The following NFIC variants were observed in gnomAD, a reference collection of about 807,000 sequenced individuals.
The protein encoded by NFIC is nuclear factor 1 C-type.
In NFIC, 12 loss-of-function variants were observed where a neutral mutation model predicts 54.4. That is an observed-to-expected ratio of 0.22 (90% CI 0.14 to 0.36). The LOEUF (loss-of-function observed/expected upper bound fraction) is 0.36, where lower values mean the gene tolerates loss of function less well. NFIC is among the 10% of genes least tolerant of loss of function. NFIC has a pLI of 1.00. For missense variants in NFIC, 575 were observed against 718.2 expected (o/e 0.80, Z 2.28); for synonymous variants, 322 against 319.2 (o/e 1.01, Z -0.09).
Position 3,453,937 on chromosome 19 carries a change from G to T in NFIC, c.1423+21G>T. ...GCCTTGTAAGCACGCGGGAAGCGGT[G>T]CCCTGGTGGGGCGGATGTCCGCAGG... On this transcript the variant is annotated intron_variant, in intron 9 of 10. Transcript: ENST00000443272. The surrounding 1 kb of genome is among the most constrained non-coding windows in gnomAD (Gnocchi z 6.7). 6.6e-7 allele frequency: 1 copy of T among 1,508,554 alleles called. No homozygotes were observed. The highest frequency in any genetic ancestry group is 1.3e-5 in the South Asian group (1 of 79,680). 93.4% of individuals were successfully genotyped at this position (1,508,554 alleles called of 1,614,324 possible). A position where few individuals can be genotyped will look rare whatever the true frequency, so the allele number is the denominator to read the frequency against.
intron 1 of NFIC, among the ~76,000 whole-genome samples, chr19:3,377,476 C>A (rs1007867564): frequency 5.3e-5 from 8 of 151,964 alleles, no homozygotes; most frequent in Non-Finnish European, 1.5e-5. Flanking sequence ...CACCCCTGTC[C>A]GAAATGCCCA....
chr19:3,363,576 G>A (rs902828054), upstream of NFIC, among the ~76,000 whole-genome samples: 3 of 148,942 alleles, frequency 2.0e-5, no homozygotes, highest in Admixed American at 2.0e-4. Context: ...CCGGCCAAAG[G>A]AGATATGTGT....
rs1306887643 is a variant in NFIC, at chr19:3,459,571, C to G, written c.1509+2936C>G. 2.0e-5 allele frequency among the ~76,000 whole-genome samples: 3 copies of G among 152,196 alleles called. No individual in the cohort carries two copies. Among genetic ancestry groups the G allele is most frequent in the Non-Finnish European group, 4.4e-5 (3 of 68,044 alleles). ...CCCCCTTCACACCTACTGCCTCAGTCTCCCCTCAGCTGAGTGGGAGGATGT... is the reference window on the plus strand; with the variant it reads ...CCCCCTTCACACCTACTGCCTCAGTGTCCCCTCAGCTGAGTGGGAGGATGT... On this transcript the variant is annotated intron_variant, in intron 10 of 10. Transcript: ENST00000443272. This position sits in a 1 kb window ranked among gnomAD's most constrained non-coding sequence, Gnocchi z 4.2.
At position 3,462,781 on chromosome 19, in the gene NFIC, T is replaced by C; in HGVS notation, c.*12T>C. On this transcript the variant is annotated 3_prime_UTR_variant, in exon 11 of 11. Coordinates refer to ENST00000443272, the MANE Select transcript of NFIC (RefSeq NM_001245002.2). Reference sequence around the variant, plus strand: ...GGTATCTGGGATAGCAAAGGTCTTCTTCCCTCGCCCCTTCTCCATCGTCCC... The same window carrying C: ...GGTATCTGGGATAGCAAAGGTCTTCCTCCCTCGCCCCTTCTCCATCGTCCC... The C allele has an allele frequency of 1.9e-6, 3 of 1,613,692 alleles. No individual in the cohort carries two copies. In the South Asian group the frequency reaches 3.3e-5, roughly 18 times the overall value.
chr19:3,426,100 A>G (rs2082023988), intron 3 of NFIC, among the ~76,000 whole-genome samples: 1 of 150,362 alleles, frequency 6.7e-6, no homozygotes, highest in Admixed American at 6.6e-5. Flanking sequence ...ACGGCTGGCT[A>G]ATTTTTGTAT....
intron 2 of NFIC, among the ~76,000 whole-genome samples, chr19:3,383,535 A>G (rs2081246020): frequency 6.6e-6 from 1 of 152,284 alleles, no homozygotes; most frequent in Non-Finnish European, 1.5e-5. Flanking sequence ...GGTGGAGATG[A>G]TCAGTCTGTA....
At chr19:3,431,470 G>GCTATCCTCCCGCCTCGGC (rs1006109537) in intron 3 of NFIC, among the ~76,000 whole-genome samples, 10 of 145,874 alleles carry the variant, frequency 6.9e-5, no homozygotes, top group Admixed American at 2.1e-4. Flanking sequence ...CAGGGCTCGA[G>GCTATCCTCCCGCCTCGGC]CTATCCTCCC....
At chr19:3,361,980 G>C (rs932381065), upstream of NFIC, among the ~76,000 whole-genome samples, 3 of 152,154 alleles carry the variant, frequency 2.0e-5, no homozygotes, top group African/African-American at 7.2e-5. Flanking sequence ...GGCGTGCACA[G>C]ACACACATGG....
At chr19:3,421,238 G>A (rs879859142) in intron 2 of NFIC, among the ~76,000 whole-genome samples, 56 of 152,192 alleles carry the variant, frequency 3.7e-4, no homozygotes, top group Admixed American at 1.0e-3. Flanking sequence ...GGAAACACCC[G>A]GATGCCAGCT....
chr19:3,409,936 G>A (rs114034565), intron 2 of NFIC, among the ~76,000 whole-genome samples: 2,428 of 152,296 alleles, frequency 0.016, 65 homozygotes, highest in African/African-American at 0.056. Context: ...GGCCGGCTGC[G>A]GTGGCTCGCA....
chr19:3,454,731 T>C (rs971375953), intron 9 of NFIC, among the ~76,000 whole-genome samples: 3 of 144,778 alleles, frequency 2.1e-5, no homozygotes, highest in African/African-American at 5.0e-5. Context: ...ACCCCCCTTT[T>C]TGAGCATCTC....
chr19:3,391,451 G>A (rs2081375190), intron 2 of NFIC, among the ~76,000 whole-genome samples: 1 of 152,184 alleles, frequency 6.6e-6, no homozygotes. Flanking sequence ...AAGAATTCGA[G>A]ACCAGCCCAG....
rs779544519 is a variant in NFIC, at chr19:3,453,905, C to G, written c.1412C>G (p.Pro471Arg). ...ATTSEGGATS[P>R]TSPSYSPPDT... ...ACCTCCGAGGGAGGAGCCACGTCGCCGACCTCGCCTTGTAAGCACGCGGGA... is the reference window on the plus strand; with the variant it reads ...ACCTCCGAGGGAGGAGCCACGTCGCGGACCTCGCCTTGTAAGCACGCGGGA... Residue 471 changes from proline (P) to arginine (R), a missense_variant, in exon 9 of 11, where the codon CCG (proline) becomes CGG (arginine). This residue lies in a region of NFIC where 447 missense variants were observed against 526.9 expected (regional missense o/e 0.85). Transcript: ENST00000443272. The surrounding 1 kb of genome is among the most constrained non-coding windows in gnomAD (Gnocchi z 6.7). 1 of 1,542,498 alleles carries G rather than the reference C, an allele frequency of 6.5e-7. No individual in the cohort carries two copies. Among genetic ancestry groups the G allele is most frequent in the African/African-American group, 1.4e-5 (1 of 72,000 alleles).
rs1463604261 is a variant in NFIC at position 3,459,273 on chromosome 19, G to A, written c.1509+2638G>A. 9.1e-6 allele frequency among the ~76,000 whole-genome samples: 1 copy of A among 110,348 alleles called. No individual in the cohort carries two copies. The highest frequency in any genetic ancestry group is 3.7e-5 in the African/African-American group (1 of 26,762). 72.4% of individuals were successfully genotyped at this position (110,348 alleles called of 152,430 possible). ...TCTCCCCCCATCAATATCCCTCCCC[G>A]TGATCTATGCTAATTGATCTCGCCC... On this transcript the variant is annotated intron_variant, in intron 10 of 10. Coordinates refer to ENST00000443272, the MANE Select transcript of NFIC (RefSeq NM_001245002.2). This position sits in a 1 kb window ranked among gnomAD's most constrained non-coding sequence, Gnocchi z 4.2.
Position 3,453,902 on chromosome 19 carries a change from C to T in NFIC, c.1409C>T (p.Ser470Leu), listed in dbSNP as rs2082509758. Residue 470 changes from serine (S) to leucine (L), a missense_variant, in exon 9 of 11, where the codon TCG becomes TTG. Coordinates refer to ENST00000443272, the MANE Select transcript of NFIC (RefSeq NM_001245002.2). The surrounding 1 kb of genome is among the most constrained non-coding windows in gnomAD (Gnocchi z 6.7). ...PATTSEGGAT[S>L]PTSPSYSPPD... ...ACCACCTCCGAGGGAGGAGCCACGT[C>T]GCCGACCTCGCCTTGTAAGCACGCG... The T allele has an allele frequency of 4.5e-6, 7 of 1,542,586 alleles. No homozygotes were observed. Among genetic ancestry groups the T allele is most frequent in the African/African-American group, 2.8e-5 (2 of 72,108 alleles).
intron 2 of NFIC, among the ~76,000 whole-genome samples, chr19:3,411,956 G>A (rs1405542337): frequency 6.6e-6 from 1 of 152,258 alleles, no homozygotes; most frequent in Non-Finnish European, 1.5e-5. Flanking sequence ...ACTGGACTGA[G>A]CTCAGCTGCA....
At chr19:3,438,820 A>G (rs931377107) in intron 6 of NFIC, among the ~76,000 whole-genome samples, 3 of 152,014 alleles carry the variant, frequency 2.0e-5, no homozygotes, top group African/African-American at 7.2e-5. Context: ...AGATGATCCA[A>G]CCCACTCTTG....
At chr19:3,403,435 C>T (rs147457660) in intron 2 of NFIC, among the ~76,000 whole-genome samples, 45 of 152,346 alleles carry the variant, frequency 3.0e-4, no homozygotes, top group African/African-American at 1.0e-3. Context: ...GTGTTTACAA[C>T]TTGACATCTA....
intron 2 of NFIC, among the ~76,000 whole-genome samples, chr19:3,421,720 G>C (rs966564185): frequency 5.9e-5 from 9 of 152,208 alleles, no homozygotes; most frequent in African/African-American, 1.9e-4. Flanking sequence ...AACTCCAGAG[G>C]CTCCGTGCGC....
Sources: allele counts gnomAD v4.1 joint callset (sites outside exome capture counted in the v4.1 genomes callset), GRCh38; gene constraint gnomAD v4.1.1; regional missense constraint gnomAD v4.1.1; non-coding constraint Gnocchi (gnomAD v3.1); transcripts MANE v1.5; gene names NCBI Gene and HGNC (gene_info 2026-07-23, HGNC 2026-07-21).